The following C1R variants were observed in gnomAD, a reference collection of about 807,000 sequenced individuals.
The protein encoded by C1R is complement C1r subcomponent.
In C1R, 15 loss-of-function variants were observed where a neutral mutation model predicts 27.6. The ratio of observed to expected loss-of-function variants is 0.54; its 90% CI spans 0.36 to 0.84. The LOEUF is 0.84. C1R is among the 40% of genes least tolerant of loss of function. The pLI is 0.01. For missense variants in C1R, 544 were observed against 577.9 expected (o/e 0.94, Z 0.60); for synonymous variants, 253 against 228.8 (o/e 1.11, Z -0.95).
chr12:7,092,239 G>A (rs968569077), intron 1 of C1R, 148 bp downstream of exon 1: 12 of 713,626 alleles, frequency 1.7e-5, no homozygotes, highest in Non-Finnish European at 2.9e-5. Context: ...GATGGGGCGT[G>A]TGTTGTGTGT....
chr12:7,088,360 A>G (rs1425013999), intron 7 of C1R: 5 of 687,522 alleles, frequency 7.3e-6, no homozygotes, highest in Non-Finnish European at 1.3e-5. Context: ...GAGTCTTGCT[A>G]TATTGCTCAG....
Position 7,088,792 on chromosome 12 carries a change from C to T in C1R, c.916+47G>A, listed in dbSNP as rs1421435714. 6 of 774,382 alleles carry T rather than the reference C, an allele frequency of 7.7e-6. No homozygotes were observed. The South Asian group carries it at 8.2e-5, about 11-fold the overall frequency. The allele number at this position is 774,382 out of a possible 1,614,324, so 48.0% of individuals were successfully genotyped here. A position where few individuals can be genotyped will look rare whatever the true frequency, so the allele number is the denominator to read the frequency against. On this transcript the variant is annotated intron_variant, in intron 6 of 10. Coordinates refer to ENST00000647956, the MANE Select transcript of C1R (RefSeq NM_001733.7). ...GCCACTTGTCCTTCCTTCTTCCCCC[C>T]TTTTCCCCATTGCTGGCCATCGAGG...
rs776176820 is a variant in C1R, at chr12:7,090,123, G to T, written c.357C>A (p.Asp119Glu). Residue 119 changes from aspartate to glutamate, a missense_variant, in exon 3 of 11, where the codon GAC becomes GAA. Asp to Glu is a conservative substitution (Grantham distance 45). Transcript: ENST00000647956. ...TGGTCCCATTCTCCTCGTTGGAGAA[G>T]TCTGTGTGGAAGGTCAGCAGCATCT... ...GNKMLLTFHT[D>E]FSNEENGTIM... 2 of 777,650 alleles carry T rather than the reference G, an allele frequency of 2.6e-6. No individual in the cohort carries two copies. Among genetic ancestry groups the T allele is most frequent in the East Asian group, 4.9e-5 (2 of 41,194 alleles). 48.2% of individuals were successfully genotyped at this position (777,650 alleles called of 1,614,324 possible).
chr12:7,080,891 G>A lies in C1R; in HGVS notation c.1759C>T (p.Leu587=). ...CCACTGACATAGCCCATCAAGCCCA[G>A]GTCGTAGAAGGTATCGTTGTCAGGG... is the stretch of plus-strand genomic sequence containing the variant. ...CLPDNDTFYD[L]GLMGYVSGFG... Residue 587 remains leucine, a synonymous_variant, in exon 11 of 11, where the codon CTG becomes TTG. Coordinates refer to ENST00000647956, the MANE Select transcript of C1R (RefSeq NM_001733.7). The surrounding 1 kb of genome is among the most constrained non-coding windows in gnomAD (Gnocchi z 4.9). The A allele has an allele frequency of 6.2e-7, 1 of 1,613,634 alleles. No individual in the cohort carries two copies.
Position 7,089,444 on chromosome 12 carries a change from G to T in C1R, c.617C>A (p.Ser206Tyr). ...GTAGGACCGAGGGTACTCCAGGCTG[G>T]AGATGTAGCCTGATGCCTCCGTGTA... ...ELYTEASGYI[S>Y]SLEYPRSYPP... Residue 206 changes from serine (S) to tyrosine (Y), a missense_variant, in exon 5 of 11, where the codon TCC becomes TAC. Physicochemically the swap from Ser to Tyr is moderately radical, Grantham distance 144. Coordinates refer to ENST00000647956, the MANE Select transcript of C1R (RefSeq NM_001733.7). 1 of 779,020 alleles carries T rather than the reference G, an allele frequency of 1.3e-6. No individual in the cohort carries two copies. The allele number at this position is 779,020 out of a possible 1,614,324, so 48.3% of individuals were successfully genotyped here.
In C1R at chr12:7,081,275, C is replaced by G. The variant is rs757042224; in HGVS notation, c.1375G>C (p.Glu459Gln). 6.2e-7 allele frequency: 1 copy of G among 1,611,560 alleles called. No individual in the cohort carries two copies. Among genetic ancestry groups the G allele is most frequent in the Non-Finnish European group, 8.5e-7 (1 of 1,178,834 alleles). Reference sequence around the variant, plus strand: ...CCTCCGATGATGCGCTGCCTCTGTTCCACGGGGTTCACGGGCTTCCCACAC... The same window carrying G: ...CCTCCGATGATGCGCTGCCTCTGTTGCACGGGGTTCACGGGCTTCCCACAC... ...PVCGKPVNPV[E>Q]QRQRIIGGQK... is the part of the protein sequence containing the mutation. Residue 459 changes from glutamate to glutamine, a missense_variant, in exon 11 of 11, where the codon GAA becomes CAA. This residue lies in a region of C1R where 253 missense variants were observed against 368.9 expected (regional missense o/e 0.69). Transcript: ENST00000647956.
rs370601700 is a variant in C1R at position 7,089,406 on chromosome 12, G to T, written c.655C>A (p.Arg219Ser). 15 of 780,464 alleles carry T rather than the reference G, an allele frequency of 1.9e-5. No homozygotes were observed. Among genetic ancestry groups the T allele is most frequent in the Non-Finnish European group, 2.6e-5 (11 of 417,836 alleles). The allele number at this position is 780,464 out of a possible 1,614,324, so 48.3% of individuals were successfully genotyped here. A position where few individuals can be genotyped will look rare whatever the true frequency, so the allele number is the denominator to read the frequency against. ...TCCACCCGGATGCTGTAGTTGCAGCGCAGGTCAGGGGGGTAGGACCGAGGG... is the reference window on the plus strand; with the variant it reads ...TCCACCCGGATGCTGTAGTTGCAGCTCAGGTCAGGGGGGTAGGACCGAGGG... Reference protein sequence around the residue: ...EYPRSYPPDLRCNYSIRVERG... With the variant: ...EYPRSYPPDLSCNYSIRVERG... The change falls in exon 5 of 11, where the codon CGC becomes AGC. Residue 219 changes from arginine to serine, a missense_variant. By Grantham distance (110) the Arg-to-Ser change is moderately radical (BLOSUM62 -1). Coordinates refer to ENST00000647956, the MANE Select transcript of C1R (RefSeq NM_001733.7).
At chr12:7,082,926 C>T (rs922804987) in intron 9 of C1R, among the ~76,000 whole-genome samples, 7 of 152,176 alleles carry the variant, frequency 4.6e-5, no homozygotes, top group Non-Finnish European at 1.0e-4. Context: ...CACATAACTT[C>T]TAAGTGCCAG....
chr12:7,086,727 G>C (rs1938162419), intron 7 of C1R: 2 of 316,584 alleles, frequency 6.3e-6, no homozygotes, highest in African/African-American at 2.1e-5. Context: ...ACTGTGGCCT[G>C]TTCCTACTGA....
rs1169688282 is a variant in C1R, at chr12:7,081,263, G to A, written c.1387C>T (p.Arg463Cys). ...TTGGCTTTTTGCCCTCCGATGATGC[G>A]CTGCCTCTGTTCCACGGGGTTCACG... is the stretch of plus-strand genomic sequence containing the variant. ...KPVNPVEQRQ[R>C]IIGGQKAKMG... is the part of the protein sequence containing the mutation. The change falls in exon 11 of 11, where the codon CGC becomes TGC. Residue 463 changes from arginine (R) to cysteine (C), a missense_variant. Coordinates refer to ENST00000647956, the MANE Select transcript of C1R (RefSeq NM_001733.7). 1 of 1,612,086 alleles carries A rather than the reference G, an allele frequency of 6.2e-7. No homozygotes were observed. The highest frequency in any genetic ancestry group is 8.5e-7 in the Non-Finnish European group (1 of 1,179,026).
chr12:7,091,237 T>C lies in C1R; in HGVS notation c.231+215A>G. On this transcript the variant is annotated intron_variant, in intron 2 of 10. Transcript: ENST00000647956. This position sits in a 1 kb window ranked among gnomAD's most constrained non-coding sequence, Gnocchi z 5.1. ...GATGTTGAATTTCCTGAGTGGGTCCTGTCCCCTTCCTTCTCTGTGCTTCTC... is the reference window on the plus strand; with the variant it reads ...GATGTTGAATTTCCTGAGTGGGTCCCGTCCCCTTCCTTCTCTGTGCTTCTC... 5.4e-6 allele frequency: 3 copies of C among 557,972 alleles called. No individual in the cohort carries two copies. The highest frequency in any genetic ancestry group is 9.4e-6 in the Non-Finnish European group (3 of 319,618). 34.6% of individuals were successfully genotyped at this position (557,972 alleles called of 1,614,324 possible).
chr12:7,091,533 G>A lies in C1R; in HGVS notation c.150C>T (p.Val50=). The change falls in exon 2 of 11, where the codon GTC becomes GTT. Residue 50 remains valine (V), a synonymous_variant. Coordinates refer to ENST00000647956, the MANE Select transcript of C1R (RefSeq NM_001733.7). This position sits in a 1 kb window ranked among gnomAD's most constrained non-coding sequence, Gnocchi z 5.1. ...NNFETTTVIT[V]PTGYRVKLVF... is the part of the protein sequence containing the mutation. ...CGAGCTTCACCCTGTATCCCGTGGG[G>A]ACTGTGATCACAGTGGTTGTTTCAA... 1 of 778,910 alleles carries A rather than the reference G, an allele frequency of 1.3e-6. No individual in the cohort carries two copies. The highest frequency in any genetic ancestry group is 2.3e-4 in the Middle Eastern group (1 of 4,442). The allele number at this position is 778,910 out of a possible 1,614,324, so 48.2% of individuals were successfully genotyped here. A position where few individuals can be genotyped will look rare whatever the true frequency, so the allele number is the denominator to read the frequency against.
intron 1 of C1R, 82 bp downstream of exon 1, chr12:7,092,305 C>T: frequency 3.9e-6 from 3 of 778,734 alleles, no homozygotes; most frequent in Non-Finnish European, 7.2e-6. Flanking sequence ...AAGGGTGTTC[C>T]TGTCTCCCTG....
In C1R at chr12:7,090,190, C is replaced by T. The variant is rs769553294; in HGVS notation, c.290G>A (p.Gly97Asp). ...RFCGQLGSPL[G>D]NPPGKKEFMS... ...AAATTCCTTCTTTCCCGGGGGGTTGCCCAGTGGAGAACCCAGTTGCCCACA... is the reference window on the plus strand; with the variant it reads ...AAATTCCTTCTTTCCCGGGGGGTTGTCCAGTGGAGAACCCAGTTGCCCACA... The change falls in exon 3 of 11, where the codon GGC (glycine) becomes GAC (aspartate). Residue 97 changes from glycine (G) to aspartate (D), a missense_variant. Gly to Asp is a moderately conservative substitution (Grantham distance 94, BLOSUM62 -1). Coordinates refer to ENST00000647956, the MANE Select transcript of C1R (RefSeq NM_001733.7). 2.7e-6 allele frequency: 2 copies of T among 753,032 alleles called. No individual in the cohort carries two copies. Among genetic ancestry groups the T allele is most frequent in the South Asian group, 2.8e-5 (2 of 70,742 alleles). 46.6% of individuals were successfully genotyped at this position (753,032 alleles called of 1,614,324 possible). A position where few individuals can be genotyped will look rare whatever the true frequency, so the allele number is the denominator to read the frequency against.
chr12:7,080,365 C>G lies in C1R; in HGVS notation c.*167G>C. ...AAGAAAGGGGCCCTTTGGGTTGTTT[C>G]AGGTAAAGTACATCAATGGGACTAC... On this transcript the variant is annotated 3_prime_UTR_variant, in exon 11 of 11. Coordinates refer to ENST00000647956, the MANE Select transcript of C1R (RefSeq NM_001733.7). This position sits in a 1 kb window ranked among gnomAD's most constrained non-coding sequence, Gnocchi z 4.9. The G allele has an allele frequency of 7.4e-7, 1 of 1,350,276 alleles. No homozygotes were observed. Among genetic ancestry groups the G allele is most frequent in the Non-Finnish European group, 9.5e-7 (1 of 1,055,690 alleles). The allele number at this position is 1,350,276 out of a possible 1,614,324, so 83.6% of individuals were successfully genotyped here.
intron 1 of C1R, chr12:7,092,114 C>T (rs1008813469): frequency 6.4e-5 from 38 of 592,760 alleles, no homozygotes; most frequent in Admixed American, 3.4e-4. Flanking sequence ...CAGAGTGTCC[C>T]GTCCTGGGCA....
At chr12:7,083,485 G>C (rs1938103445) in intron 9 of C1R, among the ~76,000 whole-genome samples, 1 of 151,952 alleles carries the variant, frequency 6.6e-6, no homozygotes, top group African/African-American at 2.4e-5. Flanking sequence ...TGGTGGTGTT[G>C]GTGTTGGCAA....
intron 7 of C1R, chr12:7,086,707 C>T: frequency 2.9e-6 from 1 of 341,518 alleles, no homozygotes; most frequent in Non-Finnish European, 5.3e-6. Context: ...CCTGATCATC[C>T]TCTCTCTAGA....
chr12:7,086,132 A>G, intron 8 of C1R, 116 bp from the exon 9 acceptor site: 1 of 397,906 alleles, frequency 2.5e-6, no homozygotes, highest in African/African-American at 2.1e-5. Flanking sequence ...AAAGATAGTC[A>G]GTGGGGAGGG....
Sources: gnomAD v4.1 joint callset for allele counts (sites outside exome capture counted in the v4.1 genomes callset) on GRCh38, gnomAD v4.1.1 for gene constraint, gnomAD v4.1.1 regional missense constraint, Gnocchi (gnomAD v3.1) non-coding constraint, MANE v1.5 for transcripts, NCBI Gene and HGNC (gene_info 2026-07-23, HGNC 2026-07-21) for gene names.